NLRP2: variants seen among roughly 807,000 people sequenced by gnomAD.
The protein encoded by NLRP2 is NLR family pyrin domain containing 2, also known as NACHT, LRR and PYD domains-containing protein 2.
NLRP2 carries 107 observed loss-of-function variants against 97.2 expected under a neutral mutation model. The ratio of observed to expected loss-of-function variants is 1.10; its 90% CI spans 0.94 to 1.29. The LOEUF (loss-of-function observed/expected upper bound fraction) is 1.29. NLRP2 is among the 50% of genes most tolerant of loss of function. NLRP2 has a pLI of 0.00. For missense variants in NLRP2, 1,495 were observed against 1,330.3 expected, an observed-to-expected ratio of 1.12 and a Z score of -1.93; for synonymous variants, 663 against 551.5, an observed-to-expected ratio of 1.20 and a Z score of -2.83.
chr19:54,998,787 G>T (rs536977677), intron 12 of NLRP2, among the ~76,000 whole-genome samples: 1 of 150,862 alleles, frequency 6.6e-6, no homozygotes, highest in African/African-American at 2.4e-5. Context: ...GCGGCCTTCC[G>T]CAGCGTTTGT....
At chr19:54,995,642 TCAG>T (rs1318208792) in intron 11 of NLRP2, among the ~76,000 whole-genome samples, 1 of 152,012 alleles carries the variant, frequency 6.6e-6, no homozygotes, top group Non-Finnish European at 1.5e-5. Context: ...GCTGGCTCTA[TCAG>T]CAGGTGAGTG....
At chr19:54,998,846 T>C (rs182048990) in intron 12 of NLRP2, among the ~76,000 whole-genome samples, 81 of 151,160 alleles carry the variant, frequency 5.4e-4, no homozygotes, top group Middle Eastern at 3.4e-3. Flanking sequence ...TTAACGAGCG[T>C]GCTGCCTTCA....
intron 10 of NLRP2, 200 bp downstream of exon 10, chr19:54,990,872 G>A: frequency 1.6e-6 from 1 of 621,344 alleles, no homozygotes; most frequent in South Asian, 2.0e-5. Context: ...TATTCTATAG[G>A]GATTTGGGGA....
In NLRP2 at chr19:54,990,045, C is replaced by T; in HGVS notation, c.2390C>T (p.Thr797Ile). 3 of 1,614,066 alleles carry T rather than the reference C, an allele frequency of 1.9e-6. No homozygotes were observed. The highest frequency in any genetic ancestry group is 2.5e-6 in the Non-Finnish European group (3 of 1,180,028). The change falls in exon 9 of 13, where the codon ACT (threonine) becomes ATT (isoleucine). Residue 797 changes from threonine (T) to isoleucine (I), a missense_variant. Physicochemically the swap from Thr to Ile is moderately conservative, Grantham distance 89 (BLOSUM62 -1). Coordinates refer to ENST00000448584, the MANE Select transcript of NLRP2 (RefSeq NM_017852.5). ...AGGTTGGTGTCTTGTTCCGCTACCACTCAGCAGTGGGCTGATCTCTCCTTG... is the reference window on the plus strand; with the variant it reads ...AGGTTGGTGTCTTGTTCCGCTACCATTCAGCAGTGGGCTGATCTCTCCTTG... Reference protein sequence around the residue: ...YLGLVSCSATTQQWADLSLAL... With the variant: ...YLGLVSCSATIQQWADLSLAL...
chr19:54,989,592 C>A (rs1381654007), intron 8 of NLRP2: 1 of 277,842 alleles, frequency 3.6e-6, no homozygotes, highest in Non-Finnish European at 7.0e-6. Flanking sequence ...ACTGGTCTGA[C>A]CACCCTTTGA....
At position 54,983,453 on chromosome 19, in the gene NLRP2, G is replaced by A; in HGVS notation, c.1755G>A (p.Leu585=). The change falls in exon 6 of 13, where the codon TTG becomes TTA. Residue 585 remains leucine, a synonymous_variant. Transcript: ENST00000448584. ...TGTCACCGGACATCAAACAGGAATTGCTGCGATGCGACATAAGTTGTAAGG... is the reference window on the plus strand; with the variant it reads ...TGTCACCGGACATCAAACAGGAATTACTGCGATGCGACATAAGTTGTAAGG... ...CRMSPDIKQE[L]LRCDISCKGG... 1 of 1,614,234 alleles carries A rather than the reference G, an allele frequency of 6.2e-7. No individual in the cohort carries two copies. Among genetic ancestry groups the A allele is most frequent in the South Asian group, 1.1e-5 (1 of 91,084 alleles).
At chr19:54,986,042 C>T (rs766813884) in intron 7 of NLRP2, 109 bp from the exon 8 acceptor site, 17 of 785,814 alleles carry the variant, frequency 2.2e-5, no homozygotes, top group Admixed American at 4.4e-5. Flanking sequence ...AAAATTTAAA[C>T]ATGGAAAAAA....
rs1175740646 is a variant in NLRP2, at chr19:55,000,980, G to GC, written c.*86dup. The GC allele has an allele frequency of 8.0e-7, 1 of 1,248,904 alleles. No homozygotes were observed. The highest frequency in any genetic ancestry group is 1.2e-6 in the Non-Finnish European group (1 of 853,860). 77.4% of individuals were successfully genotyped at this position (1,248,904 alleles called of 1,614,324 possible). On this transcript the variant is annotated 3_prime_UTR_variant, in exon 13 of 13. Transcript: ENST00000448584. Reference sequence around the variant, plus strand: ...CTGCCTGTGACTCCTCTCCTCCCCGGCCCCTACCCCTCAGGGATAATGAGT... The same window carrying GC: ...CTGCCTGTGACTCCTCTCCTCCCCGGCCCCCTACCCCTCAGGGATAATGAGT...
At position 54,981,517 on chromosome 19, in the gene NLRP2, T is replaced by TCCCCCCCCCCCCCCCCCC; in HGVS notation, c.398-93_398-92insCCCCCCCCCCCCCCCCCC. The stretch of plus-strand genomic sequence containing the variant: ...GCTTTATCTGATCCCGTGCCCCCCC[T>TCCCCCCCCCCCCCCCCCC]CCCCCCCGCCCCATCAGCCTGCCTC... On this transcript the variant is annotated intron_variant, in intron 4 of 12. Transcript: ENST00000448584. 2 of 274,194 alleles carry TCCCCCCCCCCCCCCCCCC rather than the reference T, an allele frequency of 7.3e-6. 1 individual carries two copies. The highest frequency in any genetic ancestry group is 1.5e-5 in the Non-Finnish European group (2 of 131,260). 17.0% of individuals were successfully genotyped at this position (274,194 alleles called of 1,614,324 possible). A position where few individuals can be genotyped will look rare whatever the true frequency, so the allele number is the denominator to read the frequency against.
At position 54,983,131 on chromosome 19, in the gene NLRP2, C is replaced by T. The variant is rs2071742816; in HGVS notation, c.1433C>T (p.Ser478Phe). ...CTGGAAAGGCTCGGGGTGCAGGAGT[C>T]CGACCTCCGTCTGTTCCTGGACGGA... ...EDLERLGVQE[S>F]DLRLFLDGDI... is the part of the protein sequence containing the mutation. The change falls in exon 6 of 13, where the codon TCC (serine) becomes TTC (phenylalanine). Residue 478 changes from serine to phenylalanine, a missense_variant. By Grantham distance (155) the Ser-to-Phe change is radical. Transcript: ENST00000448584. The T allele has an allele frequency of 2.5e-6, 4 of 1,613,554 alleles. No individual in the cohort carries two copies. In the Admixed American group the frequency reaches 5.0e-5, roughly 20 times the overall value.
At chr19:54,984,841 A>G (rs1218784048) in intron 6 of NLRP2, among the ~76,000 whole-genome samples, 2 of 151,844 alleles carry the variant, frequency 1.3e-5, no homozygotes, top group African/African-American at 2.4e-5. Context: ...TTTACCCTCT[A>G]TTGGATTTTT....
intron 11 of NLRP2, 34 bp downstream of exon 11, chr19:54,994,473 T>TA (rs763750365): frequency 2.2e-5 from 36 of 1,604,940 alleles, no homozygotes; most frequent in East Asian, 1.3e-4. Flanking sequence ...TTCCTATACT[T>TA]ACACCTTACT....
At chr19:54,982,106 T>TC in intron 5 of NLRP2, 56 bp from the exon 6 acceptor site, 1 of 1,610,980 alleles carries the variant, frequency 6.2e-7, no homozygotes, top group Non-Finnish European at 8.5e-7. Context: ...ATTTTGGTTT[T>TC]CCCTATGGGT....
chr19:54,970,867 T>C (rs35450746), intron 2 of NLRP2, among the ~76,000 whole-genome samples: 26,587 of 143,318 alleles, frequency 0.19, 2,678 homozygotes, highest in East Asian at 0.37. Flanking sequence ...CATGTGCACA[T>C]TGTGCAGGTT....
intron 3 of NLRP2, among the ~76,000 whole-genome samples, chr19:54,975,267 C>G (rs1238137097): frequency 7.7e-6 from 1 of 130,640 alleles, no homozygotes; most frequent in Non-Finnish European, 1.6e-5. Context: ...ACCACAGGCA[C>G]TTGCCACCAT....
chr19:54,971,995 ATTT>A (rs61335843), intron 2 of NLRP2, among the ~76,000 whole-genome samples: 104 of 116,384 alleles, frequency 8.9e-4, no homozygotes, highest in African/African-American at 2.9e-3. Flanking sequence ...TGCCTGGCTG[ATTT>A]TTTTTTTTTT....
rs536266005 is a variant in NLRP2, at chr19:54,980,034, C to G, written c.398-1583C>G. Among the ~76,000 whole-genome samples, 182 of 152,120 alleles carry G rather than the reference C, an allele frequency of 1.2e-3. 1 individual carries two copies. Among genetic ancestry groups the G allele is most frequent in the African/African-American group, 4.3e-3 (178 of 41,502 alleles). On this transcript the variant is annotated intron_variant, in intron 4 of 12. Transcript: ENST00000448584. ...TCGTGATCCGTCCGCCTCAGCCTCC[C>G]AAAGTGCTGGGATGACAGGCGTGAG...
intron 3 of NLRP2, chr19:54,976,773 C>CTGCAGATA (rs916642132): frequency 2.4e-6 from 1 of 419,526 alleles, no homozygotes; most frequent in Admixed American, 2.8e-5. Context: ...CAGGGTTAAG[C>CTGCAGATA]TGCAGATATT....
chr19:54,997,062 C>A (rs1332362389), intron 11 of NLRP2, among the ~76,000 whole-genome samples: 2 of 152,266 alleles, frequency 1.3e-5, no homozygotes, highest in Non-Finnish European at 1.5e-5. Context: ...TGCCTGTCAC[C>A]ACGCCCAGCT....
Sources: gnomAD v4.1 joint callset for allele counts (sites outside exome capture counted in the v4.1 genomes callset) on GRCh38, gnomAD v4.1.1 for gene constraint, MANE v1.5 for transcripts, NCBI Gene and HGNC (gene_info 2026-07-23, HGNC 2026-07-21) for gene names.